Variants in EYA1 observed in about 807,000 individuals in gnomAD.
EYA1 encodes the protein EYA transcriptional coactivator and phosphatase 1, also known as protein phosphatase EYA1.
A neutral mutation model predicts 82.0 loss-of-function variants in EYA1; 16 were observed. The observed-to-expected ratio is 0.20, with a 90% CI of 0.13 to 0.30. The LOEUF (loss-of-function observed/expected upper bound fraction) is 0.30. EYA1 is among the 10% of genes least tolerant of loss of function. EYA1 has a pLI of 1.00. For missense variants in EYA1, 633 were observed against 730.7 expected, an observed-to-expected ratio of 0.87 and a Z score of 1.54; for synonymous variants, 261 against 264.4, an observed-to-expected ratio of 0.99 and a Z score of 0.12.
intron 2 of EYA1, among the ~76,000 whole-genome samples, chr8:71,484,482 C>T (rs1002360984): frequency 6.6e-6 from 1 of 152,174 alleles, no homozygotes; most frequent in East Asian, 1.9e-4. Context: ...TTGGTAATAA[C>T]TTTGCCCTCA....
intron 9 of EYA1, among the ~76,000 whole-genome samples, chr8:71,278,534 T>C (rs188854964): frequency 2.0e-5 from 3 of 152,368 alleles, no homozygotes; most frequent in Admixed American, 1.3e-4. Flanking sequence ...AAGATGCTTA[T>C]ATATTTGCTT....
chr8:71,231,108 C>T (rs980136004), intron 12 of EYA1, among the ~76,000 whole-genome samples: 4 of 152,192 alleles, frequency 2.6e-5, no homozygotes, highest in Admixed American at 2.6e-4. Context: ...GAGACTGGCT[C>T]ACTGAATAGT....
Position 71,198,902 on chromosome 8 carries a change from A to C in EYA1, c.*438T>G. 2 of 232,998 alleles carry C rather than the reference A, an allele frequency of 8.6e-6. No homozygotes were observed. Among genetic ancestry groups the C allele is most frequent in the South Asian group, 1.2e-4 (2 of 16,174 alleles). The allele number at this position is 232,998 out of a possible 1,614,324, so 14.4% of individuals were successfully genotyped here. On this transcript the variant is annotated 3_prime_UTR_variant, in exon 18 of 18. Coordinates refer to ENST00000340726, the MANE Select transcript of EYA1 (RefSeq NM_000503.6). ...CAGATTACCCTGGGTATGAGACACC[A>C]AAAAGTAAACCTTCTTTACAAGAAA...
chr8:71,318,778 G>GAGTACAGCAGAGTACAGCTA (rs1822202451), intron 6 of EYA1, among the ~76,000 whole-genome samples: 1 of 152,166 alleles, frequency 6.6e-6, no homozygotes, highest in African/African-American at 2.4e-5. Context: ...AGTACAGCTA[G>GAGTACAGCAGAGTACAGCTA]GTAATTGTTT....
rs1586320377 is a variant in EYA1 at position 71,315,037 on chromosome 8, G to T, written c.556+2515C>A. ...TGGCTGGTTTGTCTTTTTCTGAATT[G>T]TTCCTGCTGCATAAGTTTTGATCTG... On this transcript the variant is annotated intron_variant, in intron 7 of 17. Coordinates refer to ENST00000340726, the MANE Select transcript of EYA1 (RefSeq NM_000503.6). Among the ~76,000 whole-genome samples the T allele has an allele frequency of 2.0e-5, 3 of 151,450 alleles. No individual in the cohort carries two copies. The East Asian group carries it at 5.8e-4, about 29-fold the overall frequency.
At chr8:71,466,183 T>A (rs1002359783) in intron 2 of EYA1, among the ~76,000 whole-genome samples, 7 of 152,138 alleles carry the variant, frequency 4.6e-5, no homozygotes, top group Non-Finnish European at 1.0e-4. Context: ...GAAATATGAC[T>A]AAATATAACC....
chr8:71,413,470 A>C lies in EYA1; in HGVS notation c.34-56959T>G, dbSNP rs377247178. ...CTCTTATGGGAATCCAATGAAAGGC[A>C]TGGATCATTTCCCCAGGATAAAATG... On this transcript the variant is annotated intron_variant, in intron 2 of 18. Coordinates refer to the EYA1 transcript ENST00000643681. Among the ~76,000 whole-genome samples, 4 of 152,258 alleles carry C rather than the reference A, an allele frequency of 2.6e-5. No individual in the cohort carries two copies. In the South Asian group the frequency reaches 6.2e-4, roughly 24 times the overall value.
At chr8:71,244,775 T>G (rs966212646) in intron 11 of EYA1, 83 bp from the exon 12 acceptor site, 12 of 820,896 alleles carry the variant, frequency 1.5e-5, no homozygotes, top group Non-Finnish European at 1.9e-5. Flanking sequence ...GAAGCAGGCA[T>G]TGGGAGAGGC....
chr8:71,434,808 G>A (rs1805883457), intron 2 of EYA1, among the ~76,000 whole-genome samples: 1 of 152,136 alleles, frequency 6.6e-6, no homozygotes. Context: ...GAAAAAGTGT[G>A]TGTTCAATTG....
chr8:71,234,125 T>G (rs1811550998), intron 12 of EYA1, among the ~76,000 whole-genome samples: 1 of 152,228 alleles, frequency 6.6e-6, no homozygotes, highest in Non-Finnish European at 1.5e-5. Flanking sequence ...AGACCCACCA[T>G]GTAACCTGTG....
At chr8:71,238,551 G>A (rs555993803) in intron 12 of EYA1, among the ~76,000 whole-genome samples, 2 of 151,850 alleles carry the variant, frequency 1.3e-5, no homozygotes, top group Non-Finnish European at 2.9e-5. Flanking sequence ...TTCTTATAAG[G>A]TTTCTTCCTA....
In EYA1 at chr8:71,204,596, G is replaced by A. The variant is rs370094734; in HGVS notation, c.1699-5176C>T. Among the ~76,000 whole-genome samples the A allele has an allele frequency of 1.6e-4, 24 of 152,274 alleles. 2 individuals carry two copies. The highest frequency in any genetic ancestry group is 1.2e-3 in the Admixed American group (18 of 15,284). ...GGAATACCGATGCAGTCACTTAAAA[G>A]CATTAGAGATGCAAAGCTTCATGGA... On this transcript the variant is annotated intron_variant, in intron 17 of 17. Coordinates refer to ENST00000340726, the MANE Select transcript of EYA1 (RefSeq NM_000503.6).
chr8:71,518,461 G>T (rs1813145829), intron 2 of EYA1, among the ~76,000 whole-genome samples: 1 of 152,100 alleles, frequency 6.6e-6, no homozygotes, highest in Non-Finnish European at 1.5e-5. Flanking sequence ...AAGCGACAAT[G>T]CTATTTTCTG....
At chr8:71,484,338 C>T (rs907994154) in intron 2 of EYA1, among the ~76,000 whole-genome samples, 1 of 152,128 alleles carries the variant, frequency 6.6e-6, no homozygotes, top group Non-Finnish European at 1.5e-5. Flanking sequence ...ATTACAGAAG[C>T]CTGAGGGTAA....
chr8:71,379,172 C>T (rs572516127), intron 2 of EYA1, among the ~76,000 whole-genome samples: 4 of 152,070 alleles, frequency 2.6e-5, no homozygotes, highest in Non-Finnish European at 5.9e-5. Flanking sequence ...TCACTCGAGC[C>T]TCGAGGCTAC....
chr8:71,285,252 T>C (rs1313054665), intron 9 of EYA1, among the ~76,000 whole-genome samples: 2 of 152,188 alleles, frequency 1.3e-5, no homozygotes, highest in Admixed American at 1.3e-4. Context: ...TTAGTAACCT[T>C]TATCAATATA....
chr8:71,253,445 A>G (rs1332152317), intron 11 of EYA1, among the ~76,000 whole-genome samples: 2 of 152,190 alleles, frequency 1.3e-5, no homozygotes, highest in South Asian at 2.1e-4. Flanking sequence ...AAGGTGGTCT[A>G]TTCTTTGGCT....
chr8:71,258,869 T>G (rs1814763941), intron 11 of EYA1, among the ~76,000 whole-genome samples: 1 of 152,164 alleles, frequency 6.6e-6, no homozygotes, highest in Admixed American at 6.5e-5. Flanking sequence ...GTTAAATGTT[T>G]TATGTTGTAG....
chr8:71,269,815 G>T lies in EYA1; in HGVS notation c.975C>A (p.Phe325Leu), dbSNP rs1345089916. ...PPPDSDLERV[F>L]IWDLDETIIV... ...TGATTGTCTCATCCAAGTCCCAGAT[G>T]AACACTCTCTACAAAGGAAGAACCA... The change falls in exon 11 of 18, where the codon TTC (phenylalanine) becomes TTA (leucine). Residue 325 changes from phenylalanine to leucine, a missense_variant. Transcript: ENST00000340726. 6.2e-7 allele frequency: 1 copy of T among 1,613,214 alleles called. No individual in the cohort carries two copies. The highest frequency in any genetic ancestry group is 1.1e-5 in the South Asian group (1 of 91,062).
Sources: gnomAD v4.1 joint callset for allele counts (sites outside exome capture counted in the v4.1 genomes callset) on GRCh38, gnomAD v4.1.1 for gene constraint, MANE v1.5 for transcripts, NCBI Gene and HGNC (gene_info 2026-07-23, HGNC 2026-07-21) for gene names.